Variants in DAB1 observed in about 807,000 individuals in gnomAD.
The protein encoded by DAB1 is disabled homolog 1.
DAB1 carries 15 observed loss-of-function variants against 64.6 expected under a neutral mutation model. That is an observed-to-expected ratio of 0.23 (90% CI 0.16 to 0.36). The LOEUF (loss-of-function observed/expected upper bound fraction) is 0.36, where lower values mean the gene tolerates loss of function less well. Ranked by LOEUF, DAB1 falls within the 10% of genes least tolerant of loss-of-function variation. The pLI is 1.00. For missense variants in DAB1, 596 were observed against 706.7 expected, an observed-to-expected ratio of 0.84 and a Z score of 1.78; for synonymous variants, 235 against 251.9, an observed-to-expected ratio of 0.93 and a Z score of 0.64.
chr1:58,393,122 T>C (rs1644489679), intron 3 of DAB1, among the ~76,000 whole-genome samples: 1 of 79,398 alleles, frequency 1.3e-5, no homozygotes, highest in Non-Finnish European at 2.4e-5. Flanking sequence ...TTCCAAATCT[T>C]TTTTTTTTTT....
chr1:57,183,753 T>A (rs1047888762), intron 2 of DAB1, among the ~76,000 whole-genome samples: 1 of 152,110 alleles, frequency 6.6e-6, no homozygotes, highest in Non-Finnish European at 1.5e-5. Flanking sequence ...CAAAACTTCC[T>A]CTCCTCAGAG....
At chr1:58,030,016 G>A (rs1380447869) in intron 5 of DAB1, among the ~76,000 whole-genome samples, 1 of 152,064 alleles carries the variant, frequency 6.6e-6, no homozygotes, top group Admixed American at 6.6e-5. Context: ...GACCAACCTG[G>A]CCAACAAGGT....
chr1:57,935,312 G>A (rs1362463196), intron 5 of DAB1, among the ~76,000 whole-genome samples: 1 of 152,076 alleles, frequency 6.6e-6, no homozygotes, highest in African/African-American at 2.4e-5. Flanking sequence ...CTGTAAAATG[G>A]GGATAATAAT....
At chr1:57,057,712 A>G (rs1570609620) in intron 9 of DAB1, among the ~76,000 whole-genome samples, 1 of 149,856 alleles carries the variant, frequency 6.7e-6, no homozygotes, top group Admixed American at 6.7e-5. Flanking sequence ...GGTTCACACC[A>G]TTCTCCTGCC....
intron 5 of DAB1, among the ~76,000 whole-genome samples, chr1:58,009,127 GC>G (rs1646631274): frequency 6.6e-6 from 1 of 152,092 alleles, no homozygotes; most frequent in Non-Finnish European, 1.5e-5. Context: ...TTAATTTCAA[GC>G]CTAGAACAAC....
At chr1:57,695,377 AAAGAAAGAAAG>A (rs1646824647) in intron 6 of DAB1, among the ~76,000 whole-genome samples, 1 of 67,006 alleles carries the variant, frequency 1.5e-5, no homozygotes. Flanking sequence ...AGAAAGAAAG[AAAGAAAGAAAG>A]AAAGAAAGAA....
At chr1:58,338,175 A>C (rs538000070) in intron 4 of DAB1, among the ~76,000 whole-genome samples, 8 of 152,334 alleles carry the variant, frequency 5.3e-5, no homozygotes, top group Non-Finnish European at 1.0e-4. Flanking sequence ...GTTTGAAAAT[A>C]AAAGACAAAA....
At chr1:57,404,643 GA>G (rs1364537774) in intron 1 of DAB1, among the ~76,000 whole-genome samples, 3 of 152,016 alleles carry the variant, frequency 2.0e-5, no homozygotes, top group Non-Finnish European at 4.4e-5. Context: ...GGAATTTCTT[GA>G]GAAAAAAATA....
At chr1:58,120,220 A>G (rs1485318769) in intron 5 of DAB1, among the ~76,000 whole-genome samples, 1 of 152,134 alleles carries the variant, frequency 6.6e-6, no homozygotes, top group Non-Finnish European at 1.5e-5. Flanking sequence ...AGCAAGTAAT[A>G]TCCCTTCAAA....
At chr1:57,304,431 ACT>A (rs571115980) in intron 1 of DAB1, among the ~76,000 whole-genome samples, 142 of 150,874 alleles carry the variant, frequency 9.4e-4, no homozygotes, top group African/African-American at 3.3e-3. Flanking sequence ...AAACTATACC[ACT>A]GTTATCTGGT....
At chr1:57,388,519 C>T (rs1377798442) in intron 1 of DAB1, among the ~76,000 whole-genome samples, 1 of 152,174 alleles carries the variant, frequency 6.6e-6, no homozygotes, top group Non-Finnish European at 1.5e-5. Context: ...GCCGCATGTG[C>T]CTGCCCCCAG....
At chr1:57,267,705 G>C (rs1811700) in intron 2 of DAB1, among the ~76,000 whole-genome samples, 54,267 of 151,930 alleles carry the variant, frequency 0.36, 10,001 homozygotes, top group South Asian at 0.49. Flanking sequence ...TGCACTACAC[G>C]GTAGGACTGA....
intron 6 of DAB1, among the ~76,000 whole-genome samples, chr1:57,697,117 A>T (rs1407707279): frequency 6.6e-6 from 1 of 152,166 alleles, no homozygotes; most frequent in Non-Finnish European, 1.5e-5. Flanking sequence ...CTTTCTCACT[A>T]GGCTAGACAT....
Position 57,726,534 on chromosome 1 carries a change from G to A in DAB1, n.552-76869C>T, listed in dbSNP as rs566192145. On this transcript the variant is annotated intron_variant and non_coding_transcript_variant, in intron 6 of 20. Transcript: ENST00000485760. ...AAGGAGGCTTTGAATAAAAGTGAAG[G>A]ATCTTGGGCTTTATTTTGAGGAAAG... Among the ~76,000 whole-genome samples, 7 of 152,234 alleles carry A rather than the reference G, an allele frequency of 4.6e-5. No homozygotes were observed. The East Asian group carries it at 1.4e-3, about 29-fold the overall frequency.
intron 4 of DAB1, among the ~76,000 whole-genome samples, chr1:57,077,912 A>G (rs1278024351): frequency 6.6e-6 from 1 of 152,194 alleles, no homozygotes; most frequent in Non-Finnish European, 1.5e-5. Flanking sequence ...ACAGGAATCA[A>G]GTGAGTTAAC....
chr1:57,785,742 T>C (rs972150295), intron 6 of DAB1, among the ~76,000 whole-genome samples: 1 of 152,224 alleles, frequency 6.6e-6, no homozygotes, highest in African/African-American at 2.4e-5. Flanking sequence ...TCAAAATTCT[T>C]GAGGTGAAAT....
At chr1:57,817,675 A>G (rs570629541) in intron 6 of DAB1, among the ~76,000 whole-genome samples, 1 of 152,310 alleles carries the variant, frequency 6.6e-6, no homozygotes, top group East Asian at 1.9e-4. Context: ...TGAATCAGAA[A>G]TGAGAGCTAG....
At chr1:58,182,040 G>C (rs1184558718) in intron 4 of DAB1, among the ~76,000 whole-genome samples, 2 of 151,938 alleles carry the variant, frequency 1.3e-5, no homozygotes, top group Non-Finnish European at 2.9e-5. Context: ...GTGCAGAATA[G>C]TTTTGCTGGA....
chr1:58,060,787 C>T (rs546298522), intron 5 of DAB1, among the ~76,000 whole-genome samples: 45 of 152,238 alleles, frequency 3.0e-4, no homozygotes, highest in Non-Finnish European at 5.4e-4. Context: ...CAAAAGGCAA[C>T]ATTAGCCCGA....
Sources: gnomAD v4.1 joint callset for allele counts (sites outside exome capture counted in the v4.1 genomes callset) on GRCh38, gnomAD v4.1.1 for gene constraint, MANE v1.5 for transcripts, NCBI Gene and HGNC (gene_info 2026-07-23, HGNC 2026-07-21) for gene names.